DENND1B: variants seen among roughly 807,000 people sequenced by gnomAD.
The protein encoded by DENND1B is DENN domain containing 1B.
Under a neutral mutation model 90.1 loss-of-function variants are expected in DENND1B, and 59 were observed. The ratio of observed to expected loss-of-function variants is 0.65; its 90% CI spans 0.53 to 0.81. DENND1B has a LOEUF of 0.81. Among genes scored for constraint, DENND1B ranks in the 40% least tolerant of loss-of-function variants. DENND1B has a pLI of 0.00. For missense variants in DENND1B, 862 were observed against 912.6 expected, an observed-to-expected ratio of 0.94 and a Z score of 0.71; for synonymous variants, 337 against 324.6, an observed-to-expected ratio of 1.04 and a Z score of -0.41.
intron 2 of DENND1B, among the ~76,000 whole-genome samples, chr1:197,754,873 C>G (rs539381189): frequency 1.3e-5 from 2 of 152,132 alleles, no homozygotes; most frequent in East Asian, 3.9e-4. Context: ...ATTATATTCT[C>G]TGGGTGATAG....
intron 10 of DENND1B, among the ~76,000 whole-genome samples, chr1:197,623,490 T>C (rs1164662202): frequency 6.6e-6 from 1 of 151,610 alleles, no homozygotes; most frequent in Non-Finnish European, 1.5e-5. Flanking sequence ...AAAACTCTAA[T>C]ATTCAAATTA....
chr1:197,648,948 A>C (rs932944388), intron 7 of DENND1B, among the ~76,000 whole-genome samples: 11 of 152,254 alleles, frequency 7.2e-5, no homozygotes, highest in African/African-American at 2.4e-4. Context: ...CACCCAGTCT[A>C]CAAATGACTA....
intron 20 of DENND1B, 70 bp from the exon 21 acceptor site, chr1:197,513,023 C>A: frequency 7.6e-7 from 1 of 1,320,736 alleles, no homozygotes; most frequent in Non-Finnish European, 1.1e-6. Flanking sequence ...AATTTTAAAG[C>A]AACAATGTGA....
In DENND1B at chr1:197,754,350, TAC is replaced by T. The variant is rs1225210381; in HGVS notation, c.82+18516_82+18517del. On this transcript the variant is annotated intron_variant, in intron 2 of 22. Transcript: ENST00000620048. Reference sequence around the variant, plus strand: ...ATAATACAAGTATAAATGAGATACATACACAGTCGGCCCATATAATAAAATTC... The same window carrying T: ...ATAATACAAGTATAAATGAGATACATACAGTCGGCCCATATAATAAAATTC... Among the ~76,000 whole-genome samples the T allele has an allele frequency of 5.9e-5, 9 of 152,222 alleles. No homozygotes were observed. The East Asian group carries it at 1.4e-3, about 23-fold the overall frequency.
In DENND1B at chr1:197,510,502, G is replaced by A. The variant is rs1224477162; in HGVS notation, c.2286C>T (p.Ser762=). ...TTGTGTTTTTGTCTGAAATGTTCAA[G>A]CTTTGTTGGAAGTCAGATGTCATAT... ...LCHMTSDFQQ[S]LNISDKNTNG... is the part of the protein sequence containing the mutation. Residue 762 remains serine, a synonymous_variant, in exon 23 of 23, where the codon AGC becomes AGT. Transcript: ENST00000620048. 2 of 1,611,054 alleles carry A rather than the reference G, an allele frequency of 1.2e-6. No homozygotes were observed. Among genetic ancestry groups the A allele is most frequent in the Non-Finnish European group, 8.5e-7 (1 of 1,178,402 alleles).
At chr1:197,782,046 T>C in the DENND1B span, among the ~76,000 whole-genome samples, 3 of 152,266 alleles carry the variant, frequency 2.0e-5, no homozygotes, top group Admixed American at 2.0e-4. Context: ...TGCCAGACAT[T>C]GTAGAACTTA....
chr1:197,664,004 C>CACACAT (rs1558374273), intron 5 of DENND1B, among the ~76,000 whole-genome samples: 1 of 139,658 alleles, frequency 7.2e-6, no homozygotes, highest in African/African-American at 2.7e-5. Context: ...TTTTGAAACA[C>CACACAT]ACACATACAC....
intron 3 of DENND1B, among the ~76,000 whole-genome samples, chr1:197,714,783 G>C (rs986764953): frequency 1.3e-5 from 2 of 152,022 alleles, no homozygotes; most frequent in Non-Finnish European, 2.9e-5. Flanking sequence ...AAAATAAGTT[G>C]AAAGTTTAAA....
At chr1:197,562,400 C>T (rs1672245934) in intron 15 of DENND1B, among the ~76,000 whole-genome samples, 1 of 151,882 alleles carries the variant, frequency 6.6e-6, no homozygotes, top group Non-Finnish European at 1.5e-5. Context: ...TACTTTGTGT[C>T]CCTGTGTCAT....
intron 3 of DENND1B, among the ~76,000 whole-genome samples, chr1:197,684,900 C>T (rs916519226): frequency 9.2e-5 from 14 of 151,954 alleles, no homozygotes; most frequent in African/African-American, 2.9e-4. Flanking sequence ...AGGTGAATCA[C>T]GAGGTCAAGA....
chr1:197,616,086 G>A (rs1677620361), intron 11 of DENND1B, among the ~76,000 whole-genome samples: 1 of 150,742 alleles, frequency 6.6e-6, no homozygotes, highest in East Asian at 1.9e-4. Context: ...CTTAATTAAA[G>A]GTGTGTTATC....
At chr1:197,528,586 C>T (rs1290128317) in intron 20 of DENND1B, among the ~76,000 whole-genome samples, 6 of 152,094 alleles carry the variant, frequency 3.9e-5, no homozygotes, top group Non-Finnish European at 7.4e-5. Flanking sequence ...TATGGCCGGG[C>T]GCGGTGACTC....
At chr1:197,769,797 C>T (rs1656175687) in intron 2 of DENND1B, among the ~76,000 whole-genome samples, 1 of 152,072 alleles carries the variant, frequency 6.6e-6, no homozygotes, top group African/African-American at 2.4e-5. Context: ...TGATAATGCA[C>T]ATATCAGAGC....
intron 13 of DENND1B, 93 bp from the exon 14 acceptor site, chr1:197,595,426 G>A: frequency 2.7e-6 from 4 of 1,473,780 alleles, no homozygotes; most frequent in Non-Finnish European, 3.6e-6. Flanking sequence ...AGTGTCTGTA[G>A]GTCAGCCAAA....
At chr1:197,690,771 C>T (rs1442817777) in intron 3 of DENND1B, 4 of 151,796 alleles carry the variant, frequency 2.6e-5, no homozygotes, top group South Asian at 2.1e-4. Flanking sequence ...TAAAACCTTC[C>T]GAAGGAAAGG....
At chr1:197,774,665 A>C (rs558417483) in intron 1 of DENND1B, 6 of 153,208 alleles carry the variant, frequency 3.9e-5, no homozygotes, top group African/African-American at 1.2e-4. Context: ...AAAAGTAACA[A>C]ACGGACTTAA....
intron 20 of DENND1B, among the ~76,000 whole-genome samples, chr1:197,516,786 A>T (rs1668429235): frequency 6.6e-6 from 1 of 151,878 alleles, no homozygotes; most frequent in Admixed American, 6.6e-5. Flanking sequence ...TATCATTATT[A>T]AAAACATGCA....
intron 20 of DENND1B, among the ~76,000 whole-genome samples, chr1:197,513,247 A>G (rs1028772331): frequency 1.3e-5 from 2 of 151,194 alleles, no homozygotes; most frequent in African/African-American, 4.8e-5. Flanking sequence ...GCCCTGATTT[A>G]GGGATACTTG....
chr1:197,620,646 G>GT (rs1485937663), intron 10 of DENND1B, among the ~76,000 whole-genome samples: 3 of 151,196 alleles, frequency 2.0e-5, no homozygotes, highest in Non-Finnish European at 3.0e-5. Context: ...AATAAAGTAG[G>GT]TGCTCTAAAG....
Sources: allele counts gnomAD v4.1 joint callset (sites outside exome capture counted in the v4.1 genomes callset), GRCh38; gene constraint gnomAD v4.1.1; transcripts MANE v1.5; gene names NCBI Gene and HGNC (gene_info 2026-07-23, HGNC 2026-07-21).